Variants in ST8SIA4 observed in about 807,000 individuals in gnomAD.
ST8SIA4 encodes ST8 alpha-N-acetyl-neuraminide alpha-2,8-sialyltransferase 4.
ST8SIA4 carries 15 observed loss-of-function variants against 33.9 expected under a neutral mutation model. That is an observed-to-expected ratio of 0.44 (90% CI 0.30 to 0.68). ST8SIA4 has a LOEUF of 0.68. Among genes scored for constraint, ST8SIA4 ranks in the 30% least tolerant of loss-of-function variants. The pLI is 0.10. For synonymous variants in ST8SIA4, 171 were observed against 151.2 expected (o/e 1.13, Z -0.96); for missense variants, 321 against 428.0 (o/e 0.75, Z 2.21).
chr5:100,872,695 C>T (rs1037607601), intron 3 of ST8SIA4, among the ~76,000 whole-genome samples: 2 of 152,034 alleles, frequency 1.3e-5, no homozygotes, highest in Admixed American at 1.3e-4. Flanking sequence ...TTGTAAGTTT[C>T]CTGAGGCCTA....
At chr5:100,876,808 A>ATATT in intron 3 of ST8SIA4, among the ~76,000 whole-genome samples, 1 of 152,074 alleles carries the variant, frequency 6.6e-6, no homozygotes, top group South Asian at 2.1e-4. Flanking sequence ...TTTGATATTG[A>ATATT]GTCACTCGGT....
chr5:100,884,613 T>A (rs2112470702), intron 3 of ST8SIA4, among the ~76,000 whole-genome samples: 1 of 152,320 alleles, frequency 6.6e-6, no homozygotes, highest in East Asian at 1.9e-4. Flanking sequence ...CAGCCACTCT[T>A]AAGACAGAGA....
intron 3 of ST8SIA4, among the ~76,000 whole-genome samples, chr5:100,870,514 C>G (rs1752175902): frequency 1.3e-5 from 2 of 152,142 alleles, no homozygotes; most frequent in East Asian, 3.8e-4. Flanking sequence ...TAACTTTTTA[C>G]TGACTAGTAA....
intron 4 of ST8SIA4, chr5:100,849,302 A>T: frequency 1.0e-6 from 1 of 985,418 alleles, no homozygotes; most frequent in Non-Finnish European, 1.2e-6. Context: ...ACACTCAAGG[A>T]TTTAAACAGT....
At chr5:100,825,700 A>C (rs899677688) in intron 4 of ST8SIA4, among the ~76,000 whole-genome samples, 1 of 152,216 alleles carries the variant, frequency 6.6e-6, no homozygotes, top group African/African-American at 2.4e-5. Context: ...TGGCTATTGT[A>C]AGGAAAATAT....
chr5:100,858,046 A>G lies in ST8SIA4; in HGVS notation c.504-1650T>C, dbSNP rs567232894. Among the ~76,000 whole-genome samples the G allele has an allele frequency of 3.9e-5, 6 of 152,144 alleles. No individual in the cohort carries two copies. In the South Asian group the frequency reaches 1.2e-3, roughly 32 times the overall value. On this transcript the variant is annotated intron_variant, in intron 3 of 4. Transcript: ENST00000231461. ...ATTACAAACAGGACTACCCAGAAAA[A>G]GATTTGCTGCATGCGAATACTTGTC...
In ST8SIA4 at chr5:100,903,194, C is replaced by T. The variant is rs1304041708; in HGVS notation, c.-239G>A. Reference sequence around the variant, plus strand: ...CAGCTCTGCCAGGGTCGCTCCGCGCCGCCTCCCTGGGGCTCAGGTTTCTTT... The same window carrying T: ...CAGCTCTGCCAGGGTCGCTCCGCGCTGCCTCCCTGGGGCTCAGGTTTCTTT... On this transcript the variant is annotated 5_prime_UTR_variant, in exon 1 of 5. Transcript: ENST00000231461. 5.6e-6 allele frequency: 3 copies of T among 533,194 alleles called. No individual in the cohort carries two copies. Among genetic ancestry groups the T allele is most frequent in the East Asian group, 3.2e-5 (1 of 30,816 alleles). 33.0% of individuals were successfully genotyped at this position (533,194 alleles called of 1,614,324 possible).
intron 3 of ST8SIA4, chr5:100,885,520 A>T: frequency 1.1e-6 from 1 of 934,510 alleles, no homozygotes; most frequent in Non-Finnish European, 1.3e-6. Context: ...CAACATGTCA[A>T]CTCAGCATAC....
At chr5:100,861,475 GA>G (rs1405026978) in intron 3 of ST8SIA4, among the ~76,000 whole-genome samples, 9 of 152,134 alleles carry the variant, frequency 5.9e-5, no homozygotes, top group Admixed American at 2.0e-4. Context: ...ATACTTCTGT[GA>G]AAAGAAAAAT....
chr5:100,825,968 G>A (rs1470094046), intron 4 of ST8SIA4, among the ~76,000 whole-genome samples: 1 of 152,120 alleles, frequency 6.6e-6, no homozygotes, highest in African/African-American at 2.4e-5. Context: ...CAATTCAGCA[G>A]AGCAAACACA....
intron 4 of ST8SIA4, among the ~76,000 whole-genome samples, chr5:100,828,014 A>G (rs2112411334): frequency 6.6e-6 from 1 of 152,374 alleles, no homozygotes; most frequent in Admixed American, 6.5e-5. Flanking sequence ...TTAGCTATGC[A>G]TATACAGAAT....
At chr5:100,862,637 G>C (rs1430789323) in intron 3 of ST8SIA4, among the ~76,000 whole-genome samples, 4 of 151,892 alleles carry the variant, frequency 2.6e-5, no homozygotes, top group Non-Finnish European at 5.9e-5. Context: ...CCTGTCTTCA[G>C]GTGATCCACC....
Position 100,807,194 on chromosome 5 carries a change from G to C in ST8SIA4, c.*4653C>G, listed in dbSNP as rs1392322020. ...CCAAGGGCTTGGATATATGAGATAAGAGAAACAGTGAAAAAAAGGGATTAA... is the reference window on the plus strand; with the variant it reads ...CCAAGGGCTTGGATATATGAGATAACAGAAACAGTGAAAAAAAGGGATTAA... On this transcript the variant is annotated 3_prime_UTR_variant, in exon 5 of 5. Transcript: ENST00000231461. 1 of 151,982 alleles carries C rather than the reference G, an allele frequency of 6.6e-6. No homozygotes were observed. The highest frequency in any genetic ancestry group is 1.5e-5 in the Non-Finnish European group (1 of 67,910). The allele number at this position is 151,982 out of a possible 1,614,324, so 9.4% of individuals were successfully genotyped here.
At chr5:100,882,791 C>G (rs1752453666) in intron 3 of ST8SIA4, among the ~76,000 whole-genome samples, 1 of 152,226 alleles carries the variant, frequency 6.6e-6, no homozygotes, top group African/African-American at 2.4e-5. Flanking sequence ...AAGCCCGAAG[C>G]CTTTGCAGCT....
Position 100,895,665 on chromosome 5 carries a change from G to A in ST8SIA4, c.234C>T (p.Val78=). The stretch of plus-strand genomic sequence containing the variant: ...GTAAAGAAACTCACCTTATCTCTAG[G>A]ACCAAAGAGGAATTGATTTTCCAAC... ...VEGWKINSSL[V]LEIRKNILRF... Residue 78 remains valine, a synonymous_variant, in exon 2 of 5, where the codon GTC becomes GTT. Transcript: ENST00000231461. 2 of 1,610,502 alleles carry A rather than the reference G, an allele frequency of 1.2e-6. No homozygotes were observed. Among genetic ancestry groups the A allele is most frequent in the South Asian group, 2.2e-5 (2 of 90,446 alleles).
chr5:100,821,806 G>T (rs1477327738), intron 4 of ST8SIA4, among the ~76,000 whole-genome samples: 2 of 152,134 alleles, frequency 1.3e-5, no homozygotes, highest in Non-Finnish European at 2.9e-5. Flanking sequence ...TAGCATTTGG[G>T]GGTTAGTCAA....
chr5:100,846,597 CAATTGA>C lies in ST8SIA4; in HGVS notation c.797+9500_797+9505del, dbSNP rs1234140871. Among the ~76,000 whole-genome samples, 12 of 151,888 alleles carry C rather than the reference CAATTGA, an allele frequency of 7.9e-5. No homozygotes were observed. The East Asian group carries it at 2.3e-3, about 29-fold the overall frequency. On this transcript the variant is annotated intron_variant, in intron 4 of 4. Coordinates refer to ENST00000231461, the MANE Select transcript of ST8SIA4 (RefSeq NM_005668.6). ...AGGAAAAAGAGTGAGAAATGATGCC[CAATTGA>C]AACTTAACCTTTAAATTGAGACTTG...
chr5:100,865,307 C>T (rs1752038359), intron 3 of ST8SIA4, among the ~76,000 whole-genome samples: 1 of 152,108 alleles, frequency 6.6e-6, no homozygotes, highest in Non-Finnish European at 1.5e-5. Flanking sequence ...CCTTAAATAA[C>T]AAGAAATTGT....
At chr5:100,864,345 T>C (rs1025739595) in intron 3 of ST8SIA4, among the ~76,000 whole-genome samples, 9 of 151,594 alleles carry the variant, frequency 5.9e-5, no homozygotes, top group Admixed American at 3.9e-4. Context: ...GAGGCCGAGG[T>C]GGCTGGATCA....
Sources: allele counts gnomAD v4.1 joint callset (sites outside exome capture counted in the v4.1 genomes callset), GRCh38; gene constraint gnomAD v4.1.1; transcripts MANE v1.5; gene names NCBI Gene and HGNC (gene_info 2026-07-23, HGNC 2026-07-21).